ZBED5: variants seen among roughly 807,000 people sequenced by gnomAD.
ZBED5 encodes zinc finger BED domain-containing protein 5.
Under a neutral mutation model 49.2 loss-of-function variants are expected in ZBED5, and 29 were observed. That is an observed-to-expected ratio of 0.59 (90% confidence interval 0.44 to 0.80). ZBED5 has a LOEUF of 0.80. Ranked by LOEUF, ZBED5 falls within the 30% of genes least tolerant of loss-of-function variation. The pLI is 0.00. For synonymous variants in ZBED5, 281 were observed against 292.5 expected, an observed-to-expected ratio of 0.96 and a Z score of 0.40; for missense variants, 775 against 812.9, an observed-to-expected ratio of 0.95 and a Z score of 0.57.
rs748654709 is a variant in ZBED5, at chr11:10,853,528, C to T, written c.1418G>A (p.Arg473Lys). The change falls in exon 3 of 3, where the codon AGA becomes AAA. Residue 473 changes from arginine to lysine, a missense_variant. Coordinates refer to ENST00000413761, the MANE Select transcript of ZBED5 (RefSeq NM_001143667.2). The surrounding 1 kb of genome is among the most constrained non-coding windows in gnomAD (Gnocchi z 5.4). ...DCLTNSSWLLRLAYLADIFTK... is the reference protein window; with the variant it reads ...DCLTNSSWLLKLAYLADIFTK... The stretch of plus-strand genomic sequence containing the variant: ...AAAAATATCTGCAAGATATGCAAGT[C>T]TTAGCAGCCAAGATGAATTTGTTAA... 3 of 1,550,214 alleles carry T rather than the reference C, an allele frequency of 1.9e-6. No homozygotes were observed.
Position 10,853,750 on chromosome 11 carries a change from A to G in ZBED5, c.1196T>C (p.Ile399Thr). The change falls in exon 3 of 3, where the codon ATC (isoleucine) becomes ACC (threonine). Residue 399 changes from isoleucine to threonine, a missense_variant. Transcript: ENST00000413761. The surrounding 1 kb of genome is among the most constrained non-coding windows in gnomAD (Gnocchi z 5.4). Reference sequence around the variant, plus strand: ...ATGTGGTCGAGCTTTAATATAATTGATGATTTGTACTGCCTGGTCTAGCAC... The same window carrying G: ...ATGTGGTCGAGCTTTAATATAATTGGTGATTTGTACTGCCTGGTCTAGCAC... ...KNVLDQAVQIINYIKARPHQS... is the reference protein window; with the variant it reads ...KNVLDQAVQITNYIKARPHQS... 6.4e-7 allele frequency: 1 copy of G among 1,551,556 alleles called. No individual in the cohort carries two copies. Among genetic ancestry groups the G allele is most frequent in the African/African-American group, 1.4e-5 (1 of 73,134 alleles).
Position 10,853,943 on chromosome 11 carries a change from A to G in ZBED5, c.1003T>C (p.Trp335Arg). 6.4e-7 allele frequency: 1 copy of G among 1,551,510 alleles called. No individual in the cohort carries two copies. The highest frequency in any genetic ancestry group is 8.7e-7 in the Non-Finnish European group (1 of 1,146,926). Residue 335 changes from tryptophan (W) to arginine (R), a missense_variant, in exon 3 of 3, where the codon TGG becomes CGG. Transcript: ENST00000413761. This position sits in a 1 kb window ranked among gnomAD's most constrained non-coding sequence, Gnocchi z 5.4. ...CTACAAACATCAACACATTTTTCCC[A>G]TTCAATTTCATGTTTCTGCATAAAA... The part of the protein sequence containing the change: ...NSFMQKHEIE[W>R]EKCVDVCSDA...
Position 10,853,909 on chromosome 11 carries a change from G to T in ZBED5, c.1037C>A (p.Ser346Tyr). ...GGCAATTTTCCCATCCACTGCCCTA[G>T]AAGCATCACTACAAACATCAACACA... ...EKCVDVCSDA[S>Y]RAVDGKIAEA... is the part of the protein sequence containing the mutation. The change falls in exon 3 of 3, where the codon TCT becomes TAT. Residue 346 changes from serine (S) to tyrosine (Y), a missense_variant. By Grantham distance (144) the Ser-to-Tyr change is moderately radical. Coordinates refer to ENST00000413761, the MANE Select transcript of ZBED5 (RefSeq NM_001143667.2). This position sits in a 1 kb window ranked among gnomAD's most constrained non-coding sequence, Gnocchi z 5.4. The T allele has an allele frequency of 6.4e-7, 1 of 1,551,496 alleles. No homozygotes were observed. Among genetic ancestry groups the T allele is most frequent in the Non-Finnish European group, 8.7e-7 (1 of 1,146,930 alleles).
rs538216957 is a variant in ZBED5 at position 10,855,702 on chromosome 11, T to A, written c.-142+442A>T. On this transcript the variant is annotated intron_variant, in intron 2 of 2. Transcript: ENST00000413761. This position sits in a 1 kb window ranked among gnomAD's most constrained non-coding sequence, Gnocchi z 4.1. ...TTGCGAGATACATAATTCTACTGTA[T>A]CCTAAATGTTATGCGTTAACAATGA... 1 of 152,346 alleles carries A rather than the reference T, an allele frequency of 6.6e-6. No individual in the cohort carries two copies. Among genetic ancestry groups the A allele is most frequent in the African/African-American group, 2.4e-5 (1 of 41,576 alleles). The allele number at this position is 152,346 out of a possible 1,614,324, so 9.4% of individuals were successfully genotyped here. A position where few individuals can be genotyped will look rare whatever the true frequency, so the allele number is the denominator to read the frequency against.
At position 10,854,669 on chromosome 11, in the gene ZBED5, T is replaced by C. The variant is rs1848157023; in HGVS notation, c.277A>G (p.Ile93Val). 2 of 1,551,420 alleles carry C rather than the reference T, an allele frequency of 1.3e-6. No homozygotes were observed. Among genetic ancestry groups the C allele is most frequent in the Non-Finnish European group, 1.7e-6 (2 of 1,146,914 alleles). Residue 93 changes from isoleucine to valine, a missense_variant, in exon 3 of 3, where the codon ATA (isoleucine) becomes GTA (valine). Physicochemically the swap from Ile to Val is conservative, Grantham distance 29. Transcript: ENST00000413761. The surrounding 1 kb of genome is among the most constrained non-coding windows in gnomAD (Gnocchi z 5.0). ...SEGELSRVKF[I>V]SNSNKITFSK... ...AATGTTATTTTGTTGGAATTGGATA[T>C]AAATTTGACCCTGGAAAGCTCACCT...
chr11:10,852,794 A>C lies in ZBED5; in HGVS notation c.*70T>G. The C allele has an allele frequency of 2.1e-6, 3 of 1,427,058 alleles. No individual in the cohort carries two copies. The South Asian group carries it at 4.9e-5, about 23-fold the overall frequency. The allele number at this position is 1,427,058 out of a possible 1,614,324, so 88.4% of individuals were successfully genotyped here. On this transcript the variant is annotated 3_prime_UTR_variant, in exon 3 of 3. Transcript: ENST00000413761. The stretch of plus-strand genomic sequence containing the variant: ...TTTATTTAAATCCCCCAAATACCAG[A>C]GATGAAGTAAATCATCTTTTATTTT...
At position 10,852,730 on chromosome 11, in the gene ZBED5, CCTT is replaced by C; in HGVS notation, c.*131_*133del. On this transcript the variant is annotated 3_prime_UTR_variant, in exon 3 of 3. Coordinates refer to ENST00000413761, the MANE Select transcript of ZBED5 (RefSeq NM_001143667.2). ...ATGTTTAAAACGTTTGATTCTTTAG[CCTT>C]CTTAAAATCTAAATAGTATAAAAAA... The C allele has an allele frequency of 7.5e-7, 1 of 1,324,982 alleles. No homozygotes were observed. Among genetic ancestry groups the C allele is most frequent in the Non-Finnish European group, 9.9e-7 (1 of 1,011,084 alleles). 82.1% of individuals were successfully genotyped at this position (1,324,982 alleles called of 1,614,324 possible).
chr11:10,853,451 A>G lies in ZBED5; in HGVS notation c.1495T>C (p.Phe499Leu). 1 of 1,550,780 alleles carries G rather than the reference A, an allele frequency of 6.4e-7. No individual in the cohort carries two copies. Among genetic ancestry groups the G allele is most frequent in the Non-Finnish European group, 8.7e-7 (1 of 1,146,572 alleles). ...LSMQGKNVTV[F>L]TVFDKMSSLL... ...GACGACATTTTATCAAATACTGTAA[A>G]AACGGTCACATTTTTTCCTTGCATT... Residue 499 changes from phenylalanine to leucine, a missense_variant, in exon 3 of 3, where the codon TTT becomes CTT. Phe to Leu is a conservative substitution (Grantham distance 22). Coordinates refer to ENST00000413761, the MANE Select transcript of ZBED5 (RefSeq NM_001143667.2). This position sits in a 1 kb window ranked among gnomAD's most constrained non-coding sequence, Gnocchi z 5.4.
Position 10,853,861 on chromosome 11 carries a change from TA to T in ZBED5, c.1084del (p.Tyr362MetfsTer22). ...ACTACTGGTGCTTTCGGGAGCCACA[TA>T]TTTTATTAAGGTGACAGCTTCGGCA... ...KIAEAVTLIK[Y>X]VAPESTSSHC... On this transcript the variant is annotated frameshift_variant, in exon 3 of 3. Coordinates refer to ENST00000413761, the MANE Select transcript of ZBED5 (RefSeq NM_001143667.2). LOFTEE classifies it high-confidence loss of function. This position sits in a 1 kb window ranked among gnomAD's most constrained non-coding sequence, Gnocchi z 5.4. 1 of 1,551,658 alleles carries T rather than the reference TA, an allele frequency of 6.4e-7. No individual in the cohort carries two copies. Among genetic ancestry groups the T allele is most frequent in the Non-Finnish European group, 8.7e-7 (1 of 1,146,950 alleles).
rs1848210358 is a variant in ZBED5 at position 10,858,052 on chromosome 11, C to A, written c.-446G>T. 1 of 352,340 alleles carries A rather than the reference C, an allele frequency of 2.8e-6. No homozygotes were observed. The highest frequency in any genetic ancestry group is 1.5e-4 in the South Asian group (1 of 6,614). 21.8% of individuals were successfully genotyped at this position (352,340 alleles called of 1,614,324 possible). A position where few individuals can be genotyped will look rare whatever the true frequency, so the allele number is the denominator to read the frequency against. ...ATTCGCGGCTGGCGCGGTCGCCGGT[C>A]TGAAGATAAATTTAGCACTCTAGAG... On this transcript the variant is annotated 5_prime_UTR_variant, in exon 1 of 3. Transcript: ENST00000413761.
chr11:10,856,218 A>G lies in ZBED5; in HGVS notation c.-216T>C, dbSNP rs906034082. 6 of 152,176 alleles carry G rather than the reference A, an allele frequency of 3.9e-5. No homozygotes were observed. Among genetic ancestry groups the G allele is most frequent in the African/African-American group, 1.4e-4 (6 of 41,454 alleles). 9.4% of individuals were successfully genotyped at this position (152,176 alleles called of 1,614,324 possible). On this transcript the variant is annotated 5_prime_UTR_variant, in exon 2 of 3. Transcript: ENST00000413761. ...CTTGAAATGCACTCTTCAAAAGAAT[A>G]AAATTAAGGGATGGGGTGGGAAGGG...
rs943507638 is a variant in ZBED5, at chr11:10,854,580, G to T, written c.366C>A (p.Phe122Leu). The T allele has an allele frequency of 1.9e-6, 3 of 1,551,118 alleles. No homozygotes were observed. In the Admixed American group the frequency reaches 5.9e-5, roughly 30 times the overall value. ...GAGCATGAGGTGCATCTCTATTTCCGAAGTAAGTAAATCCAAAAGACAAAT... is the reference window on the plus strand; with the variant it reads ...GAGCATGAGGTGCATCTCTATTTCCTAAGTAAGTAAATCCAAAAGACAAAT... ...ESYLSFGFTY[F>L]GNRDAPHAQC... is the part of the protein sequence containing the mutation. The change falls in exon 3 of 3, where the codon TTC (phenylalanine) becomes TTA (leucine). Residue 122 changes from phenylalanine to leucine, a missense_variant. Coordinates refer to ENST00000413761, the MANE Select transcript of ZBED5 (RefSeq NM_001143667.2). The surrounding 1 kb of genome is among the most constrained non-coding windows in gnomAD (Gnocchi z 5.0).
Position 10,857,272 on chromosome 11 carries a change from C to T in ZBED5, c.-256+590G>A, listed in dbSNP as rs1273291868. The stretch of plus-strand genomic sequence containing the variant: ...TTCTCGAGGACAAAGAATCTGGACT[C>T]CTTTGAGAGTAAAGTTTCCTTTCCA... On this transcript the variant is annotated intron_variant, in intron 1 of 2. Transcript: ENST00000413761. The surrounding 1 kb of genome is among the most constrained non-coding windows in gnomAD (Gnocchi z 6.3). 6.6e-6 allele frequency: 1 copy of T among 152,206 alleles called. No individual in the cohort carries two copies. Among genetic ancestry groups the T allele is most frequent in the Non-Finnish European group, 1.5e-5 (1 of 68,054 alleles). 9.4% of individuals were successfully genotyped at this position (152,206 alleles called of 1,614,324 possible). A position where few individuals can be genotyped will look rare whatever the true frequency, so the allele number is the denominator to read the frequency against.
In ZBED5 at chr11:10,853,118, C is replaced by G. The variant is rs1448857538; in HGVS notation, c.1828G>C (p.Glu610Gln). 6.4e-7 allele frequency: 1 copy of G among 1,551,594 alleles called. No individual in the cohort carries two copies. The highest frequency in any genetic ancestry group is 2.0e-5 in the Admixed American group (1 of 50,990). Residue 610 changes from glutamate to glutamine, a missense_variant, in exon 3 of 3, where the codon GAA (glutamate) becomes CAA (glutamine). By Grantham distance (29) the Glu-to-Gln change is conservative. Transcript: ENST00000413761. This position sits in a 1 kb window ranked among gnomAD's most constrained non-coding sequence, Gnocchi z 5.4. ...CTCCAAAAATCATTTAGTGAAAGTTCACTAAAATTTTGCTTCACTTGAGAA... is the reference window on the plus strand; with the variant it reads ...CTCCAAAAATCATTTAGTGAAAGTTGACTAAAATTTTGCTTCACTTGAGAA... ...SDSQVKQNFS[E>Q]LSLNDFWSSL...
rs1162842165 is a variant in ZBED5 at position 10,854,329 on chromosome 11, A to G, written c.617T>C (p.Leu206Pro). ...ASYNVSYHIA[L>P]SGEAHTIGEL... ...TCCAATAGTATGAGCCTCTCCACTC[A>G]GCGCTATATGGTAACTTACATTGTA... is the stretch of plus-strand genomic sequence containing the variant. Residue 206 changes from leucine to proline, a missense_variant, in exon 3 of 3, where the codon CTG becomes CCG. Transcript: ENST00000413761. This position sits in a 1 kb window ranked among gnomAD's most constrained non-coding sequence, Gnocchi z 5.0. The G allele has an allele frequency of 6.4e-7, 1 of 1,550,730 alleles. No homozygotes were observed.
Position 10,856,219 on chromosome 11 carries a change from A to C in ZBED5, c.-217T>G, listed in dbSNP as rs1003087984. 6.6e-6 allele frequency: 1 copy of C among 152,156 alleles called. No homozygotes were observed. The highest frequency in any genetic ancestry group is 2.4e-5 in the African/African-American group (1 of 41,432). The allele number at this position is 152,156 out of a possible 1,614,324, so 9.4% of individuals were successfully genotyped here. A position where few individuals can be genotyped will look rare whatever the true frequency, so the allele number is the denominator to read the frequency against. The stretch of plus-strand genomic sequence containing the variant: ...TTGAAATGCACTCTTCAAAAGAATA[A>C]AATTAAGGGATGGGGTGGGAAGGGG... On this transcript the variant is annotated 5_prime_UTR_variant, in exon 2 of 3. Coordinates refer to ENST00000413761, the MANE Select transcript of ZBED5 (RefSeq NM_001143667.2).
chr11:10,854,811 A>G lies in ZBED5; in HGVS notation c.135T>C (p.Leu45=). 2 of 1,552,136 alleles carry G rather than the reference A, an allele frequency of 1.3e-6. No individual in the cohort carries two copies. Among genetic ancestry groups the G allele is most frequent in the Non-Finnish European group, 1.7e-6 (2 of 1,147,038 alleles). ...PMDLLLKQGS[L]KQEVESFCYQ... ...AACAGAAAGATTCCACTTCTTGTTT[A>G]AGACTTCCTTGTTTCAGCAACAGAT... is the stretch of plus-strand genomic sequence containing the variant. The change falls in exon 3 of 3, where the codon CTT becomes CTC. Residue 45 remains leucine, a synonymous_variant. Coordinates refer to ENST00000413761, the MANE Select transcript of ZBED5 (RefSeq NM_001143667.2). This position sits in a 1 kb window ranked among gnomAD's most constrained non-coding sequence, Gnocchi z 5.0.
rs1848139260 is a variant in ZBED5, at chr11:10,853,909, G to A, written c.1037C>T (p.Ser346Phe). The A allele has an allele frequency of 6.4e-7, 1 of 1,551,378 alleles. No individual in the cohort carries two copies. The highest frequency in any genetic ancestry group is 1.2e-5 in the South Asian group (1 of 84,046). Reference sequence around the variant, plus strand: ...GGCAATTTTCCCATCCACTGCCCTAGAAGCATCACTACAAACATCAACACA... The same window carrying A: ...GGCAATTTTCCCATCCACTGCCCTAAAAGCATCACTACAAACATCAACACA... ...EKCVDVCSDA[S>F]RAVDGKIAEA... is the part of the protein sequence containing the mutation. The change falls in exon 3 of 3, where the codon TCT (serine) becomes TTT (phenylalanine). Residue 346 changes from serine (S) to phenylalanine (F), a missense_variant. Physicochemically the swap from Ser to Phe is radical, Grantham distance 155. Coordinates refer to ENST00000413761, the MANE Select transcript of ZBED5 (RefSeq NM_001143667.2). The surrounding 1 kb of genome is among the most constrained non-coding windows in gnomAD (Gnocchi z 5.4).
intron 1 of ZBED5, 85 bp from the exon 2 acceptor site, chr11:10,856,342 T>C (rs1299561820): frequency 6.6e-6 from 1 of 152,214 alleles, no homozygotes; most frequent in East Asian, 1.9e-4. Context: ...TTTCTGGATC[T>C]AAGCAGTGAA....
Sources: allele counts gnomAD v4.1 joint callset, GRCh38; gene constraint gnomAD v4.1.1; non-coding constraint Gnocchi (gnomAD v3.1); transcripts MANE v1.5; gene names NCBI Gene and HGNC (gene_info 2026-07-23, HGNC 2026-07-21).